CYP39A1: variants seen among roughly 807,000 people sequenced by gnomAD.
CYP39A1 encodes the protein 24-hydroxycholesterol 7-alpha-hydroxylase.
A neutral mutation model predicts 58.1 loss-of-function variants in CYP39A1; 49 were observed. That is an observed-to-expected ratio of 0.84 (90% CI 0.67 to 1.07). CYP39A1 has a LOEUF of 1.07. Among genes scored for constraint, CYP39A1 ranks in the 50% least tolerant of loss-of-function variants. The pLI is 0.00. For synonymous variants in CYP39A1, 209 were observed against 187.6 expected, an observed-to-expected ratio of 1.11 and a Z score of -0.93; for missense variants, 531 against 539.4, an observed-to-expected ratio of 0.98 and a Z score of 0.16.
chr6:46,630,075 G>A (rs567041517), intron 6 of CYP39A1, among the ~76,000 whole-genome samples: 100 of 151,916 alleles, frequency 6.6e-4, no homozygotes, highest in Non-Finnish European at 4.9e-4. Context: ...CAGCCTGGGT[G>A]ATAGAATGAG....
chr6:46,627,494 C>G (rs1410957223), intron 6 of CYP39A1, among the ~76,000 whole-genome samples: 1 of 151,664 alleles, frequency 6.6e-6, no homozygotes, highest in East Asian at 1.9e-4. Flanking sequence ...TCTCGGCTCA[C>G]TGCAAGCTCC....
chr6:46,560,054 G>A (rs1770891395), intron 10 of CYP39A1, among the ~76,000 whole-genome samples: 1 of 152,160 alleles, frequency 6.6e-6, no homozygotes, highest in African/African-American at 2.4e-5. Flanking sequence ...AAATATTTTA[G>A]AGAAGGAAGG....
intron 10 of CYP39A1, among the ~76,000 whole-genome samples, chr6:46,569,499 T>G (rs929494880): frequency 1.3e-5 from 2 of 152,134 alleles, no homozygotes; most frequent in Non-Finnish European, 2.9e-5. Context: ...TGATGTTAGC[T>G]GTGGGCTTGT....
chr6:46,586,488 C>A, intron 10 of CYP39A1: 1 of 983,900 alleles, frequency 1.0e-6, no homozygotes, highest in Middle Eastern at 5.2e-4. Context: ...GTTCAAAAAC[C>A]TTTTCTGCTT....
intron 1 of CYP39A1, among the ~76,000 whole-genome samples, chr6:46,650,929 G>A (rs1251612181): frequency 6.6e-6 from 1 of 152,126 alleles, no homozygotes; most frequent in African/African-American, 2.4e-5. Context: ...ATATGCATAA[G>A]GAAGGCTGTG....
chr6:46,611,721 A>G (rs1774223236), intron 7 of CYP39A1, among the ~76,000 whole-genome samples: 1 of 152,162 alleles, frequency 6.6e-6, no homozygotes, highest in Non-Finnish European at 1.5e-5. Flanking sequence ...ATGATAAATA[A>G]AAGGGAGAGA....
At chr6:46,573,986 G>C (rs1036967616) in intron 10 of CYP39A1, among the ~76,000 whole-genome samples, 4 of 152,156 alleles carry the variant, frequency 2.6e-5, no homozygotes, top group African/African-American at 9.7e-5. Flanking sequence ...GCAAGGAACA[G>C]AAAACACACA....
intron 10 of CYP39A1, among the ~76,000 whole-genome samples, chr6:46,574,444 A>G (rs1182499290): frequency 6.6e-6 from 1 of 152,222 alleles, no homozygotes; most frequent in Non-Finnish European, 1.5e-5. Flanking sequence ...TATCCAAGTG[A>G]AAATTAAAAC....
At chr6:46,582,402 GA>G (rs1311484161) in intron 10 of CYP39A1, among the ~76,000 whole-genome samples, 1 of 152,050 alleles carries the variant, frequency 6.6e-6, no homozygotes, top group African/African-American at 2.4e-5. Flanking sequence ...TAAATATATA[GA>G]AAAAGATGTG....
intron 6 of CYP39A1, 23 bp downstream of exon 6, chr6:46,630,940 T>G: frequency 6.5e-7 from 1 of 1,536,174 alleles, no homozygotes; most frequent in Non-Finnish European, 9.0e-7. Flanking sequence ...GCAACGTAAC[T>G]CATACTTTAC....
chr6:46,634,529 T>TG (rs1312343186), intron 5 of CYP39A1, among the ~76,000 whole-genome samples: 11 of 149,680 alleles, frequency 7.3e-5, no homozygotes, highest in Non-Finnish European at 1.3e-4. Flanking sequence ...TTTTGCTTTT[T>TG]TTTTTTTTTT....
At chr6:46,567,711 G>T (rs1222431085) in intron 10 of CYP39A1, among the ~76,000 whole-genome samples, 1 of 152,120 alleles carries the variant, frequency 6.6e-6, no homozygotes, top group Non-Finnish European at 1.5e-5. Flanking sequence ...TAAGCAAGAG[G>T]TTTTGTTTGG....
Position 46,652,406 on chromosome 6 carries a change from C to A in CYP39A1, c.177G>T (p.Lys59Asn). 1 of 1,610,506 alleles carries A rather than the reference C, an allele frequency of 6.2e-7. No individual in the cohort carries two copies. The highest frequency in any genetic ancestry group is 8.5e-7 in the Non-Finnish European group (1 of 1,178,638). The change falls in exon 1 of 12, where the codon AAG becomes AAT. Residue 59 changes from lysine to asparagine, a missense_variant and splice_region_variant. Physicochemically the swap from Lys to Asn is moderately conservative, Grantham distance 94 (BLOSUM62 0). Transcript: ENST00000275016. ...GACCCCGTCTGCCACGACCACATAC[C>A]TTGATTCTTGCTTTCTCTATAAATT... ...PLEFIEKARI[K>N]YGPIFTVFAM...
intron 1 of CYP39A1, among the ~76,000 whole-genome samples, chr6:46,646,126 T>C (rs114500142): frequency 2.6e-4 from 40 of 152,234 alleles, no homozygotes; most frequent in African/African-American, 9.4e-4. Flanking sequence ...TCTTACTTTA[T>C]TGCACAGGCT....
intron 7 of CYP39A1, among the ~76,000 whole-genome samples, chr6:46,619,405 G>A (rs1306953612): frequency 3.3e-5 from 5 of 152,020 alleles, no homozygotes; most frequent in African/African-American, 7.2e-5. Context: ...TGTTGGAGAC[G>A]TTGCATTTTG....
intron 1 of CYP39A1, among the ~76,000 whole-genome samples, chr6:46,646,223 T>G (rs1762315530): frequency 6.6e-6 from 1 of 152,098 alleles, no homozygotes; most frequent in Non-Finnish European, 1.5e-5. Flanking sequence ...TATTTAGTCT[T>G]TCATCATTTA....
chr6:46,557,329 A>T (rs1423527425), intron 10 of CYP39A1, among the ~76,000 whole-genome samples: 1 of 151,598 alleles, frequency 6.6e-6, no homozygotes, highest in Admixed American at 6.6e-5. Context: ...CAAGACCCCC[A>T]AGCAGAAGAA....
chr6:46,576,785 A>C (rs1187250287), intron 10 of CYP39A1, among the ~76,000 whole-genome samples: 1 of 152,244 alleles, frequency 6.6e-6, no homozygotes, highest in Non-Finnish European at 1.5e-5. Flanking sequence ...GCAGGCAGAC[A>C]ACAATAAAGA....
chr6:46,575,139 T>C (rs1360148916), intron 10 of CYP39A1, among the ~76,000 whole-genome samples: 2 of 152,080 alleles, frequency 1.3e-5, no homozygotes, highest in Admixed American at 6.6e-5. Flanking sequence ...ATCCTAGCTA[T>C]GGGAGATCCC....
Sources: gnomAD v4.1 joint callset for allele counts (sites outside exome capture counted in the v4.1 genomes callset) on GRCh38, gnomAD v4.1.1 for gene constraint, MANE v1.5 for transcripts, NCBI Gene and HGNC (gene_info 2026-07-23, HGNC 2026-07-21) for gene names.